Variants in KCNIP4 observed in about 807,000 individuals in gnomAD.
The protein encoded by KCNIP4 is potassium voltage-gated channel interacting protein 4.
A neutral mutation model predicts 34.0 loss-of-function variants in KCNIP4; 12 were observed. That is an observed-to-expected ratio of 0.35 (90% CI 0.23 to 0.57). The LOEUF is 0.57. Among genes scored for constraint, KCNIP4 ranks in the 20% least tolerant of loss-of-function variants. The pLI is 0.83. For missense variants in KCNIP4, 238 were observed against 311.7 expected, an observed-to-expected ratio of 0.76 and a Z score of 1.78; for synonymous variants, 124 against 102.2, an observed-to-expected ratio of 1.21 and a Z score of -1.29.
intron 1 of KCNIP4, among the ~76,000 whole-genome samples, chr4:20,995,984 T>C (rs936815430): frequency 5.3e-5 from 8 of 152,120 alleles, no homozygotes; most frequent in Non-Finnish European, 1.2e-4. Context: ...AGTAAGAAAG[T>C]GGAAGGGTGA....
intron 1 of KCNIP4, among the ~76,000 whole-genome samples, chr4:21,562,242 C>G (rs937833459): frequency 4.6e-5 from 7 of 151,622 alleles, no homozygotes; most frequent in African/African-American, 1.7e-4. Flanking sequence ...ATTGCTGAAC[C>G]CTGGGATACA....
intron 1 of KCNIP4, among the ~76,000 whole-genome samples, chr4:21,914,376 A>G (rs1174931808): frequency 1.3e-5 from 2 of 152,190 alleles, no homozygotes; most frequent in East Asian, 3.9e-4. Context: ...CCACGTTGTG[A>G]GATGCAAAAT....
At chr4:21,923,398 A>G (rs1048684267) in intron 1 of KCNIP4, among the ~76,000 whole-genome samples, 1 of 152,126 alleles carries the variant, frequency 6.6e-6, no homozygotes. Flanking sequence ...CCTGGCCAAC[A>G]GGGTAAAACC....
intron 1 of KCNIP4, among the ~76,000 whole-genome samples, chr4:21,429,695 T>G (rs1726266556): frequency 6.6e-6 from 1 of 152,214 alleles, no homozygotes; most frequent in Admixed American, 6.5e-5. Flanking sequence ...TAGTGTCCCA[T>G]TTTTGTTTTA....
chr4:21,200,870 C>T (rs1756442498), intron 1 of KCNIP4, among the ~76,000 whole-genome samples: 1 of 151,874 alleles, frequency 6.6e-6, no homozygotes, highest in African/African-American at 2.4e-5. Flanking sequence ...TCCTTGGTGA[C>T]TCCAATATTA....
chr4:21,425,754 C>G (rs1725878218), intron 1 of KCNIP4, among the ~76,000 whole-genome samples: 1 of 152,064 alleles, frequency 6.6e-6, no homozygotes, highest in Non-Finnish European at 1.5e-5. Context: ...TGCATGCTAA[C>G]ATATCTTAAA....
intron 1 of KCNIP4, among the ~76,000 whole-genome samples, chr4:21,017,364 C>G (rs1197777729): frequency 6.6e-6 from 1 of 152,124 alleles, no homozygotes; most frequent in Admixed American, 6.6e-5. Context: ...CTGACAGGCT[C>G]TAGTGTGTGT....
intron 1 of KCNIP4, among the ~76,000 whole-genome samples, chr4:21,741,920 C>A (rs1716430295): frequency 6.6e-6 from 1 of 151,986 alleles, no homozygotes; most frequent in Non-Finnish European, 1.5e-5. Context: ...GCCTGCAGTC[C>A]CAGCTACTCG....
At chr4:21,873,848 C>G (rs1030260660) in intron 1 of KCNIP4, among the ~76,000 whole-genome samples, 5 of 152,192 alleles carry the variant, frequency 3.3e-5, no homozygotes, top group Non-Finnish European at 5.9e-5. Flanking sequence ...TTCTAAACAA[C>G]AGAGGGCATT....
At chr4:21,169,665 T>C (rs374930641) in intron 1 of KCNIP4, among the ~76,000 whole-genome samples, 5,601 of 139,694 alleles carry the variant, frequency 0.04, 183 homozygotes, top group Non-Finnish European at 0.049. Context: ...TATATTTGTG[T>C]GTGTGTGTGT....
chr4:21,088,016 G>A (rs6820317), intron 1 of KCNIP4, among the ~76,000 whole-genome samples: 18 of 151,796 alleles, frequency 1.2e-4, no homozygotes, highest in Non-Finnish European at 2.4e-4. Flanking sequence ...AATGTTCATC[G>A]CCTGGACAGA....
intron 1 of KCNIP4, among the ~76,000 whole-genome samples, chr4:21,748,897 T>C (rs1165243824): frequency 2.0e-5 from 3 of 151,870 alleles, no homozygotes; most frequent in Non-Finnish European, 2.9e-5. Flanking sequence ...TTGAGAAAAA[T>C]GGTAGATGGG....
At chr4:21,372,624 A>T (rs1578141468) in intron 1 of KCNIP4, among the ~76,000 whole-genome samples, 1 of 147,162 alleles carries the variant, frequency 6.8e-6, no homozygotes, top group Non-Finnish European at 1.5e-5. Context: ...GAGAAAAATC[A>T]CTTATTTGGT....
chr4:20,955,479 T>G (rs1162532051), intron 1 of KCNIP4, among the ~76,000 whole-genome samples: 1 of 152,168 alleles, frequency 6.6e-6, no homozygotes, highest in Non-Finnish European at 1.5e-5. Flanking sequence ...CCTCATGCCC[T>G]CTGAGTCTCA....
intron 1 of KCNIP4, among the ~76,000 whole-genome samples, chr4:21,935,708 C>A (rs1729823058): frequency 6.6e-6 from 1 of 152,066 alleles, no homozygotes; most frequent in Admixed American, 6.6e-5. Flanking sequence ...TCTCTCCTGA[C>A]TTCTCATCCT....
intron 1 of KCNIP4, among the ~76,000 whole-genome samples, chr4:21,195,708 T>G (rs1374766957): frequency 6.6e-6 from 1 of 152,242 alleles, no homozygotes; most frequent in Non-Finnish European, 1.5e-5. Flanking sequence ...CTTTTTTGCC[T>G]TGAGGGTGAT....
chr4:21,231,804 C>T (rs1482698808), intron 1 of KCNIP4, among the ~76,000 whole-genome samples: 1 of 152,088 alleles, frequency 6.6e-6, no homozygotes, highest in Non-Finnish European at 1.5e-5. Flanking sequence ...CGGCAAGGAA[C>T]TTGAAATTGC....
At chr4:21,715,216 G>C (rs954207305) in intron 1 of KCNIP4, among the ~76,000 whole-genome samples, 5 of 151,294 alleles carry the variant, frequency 3.3e-5, no homozygotes, top group African/African-American at 1.2e-4. Context: ...AAGTACCTGG[G>C]ACTACACCAG....
chr4:21,737,401 C>A (rs1277163787), intron 1 of KCNIP4, among the ~76,000 whole-genome samples: 1 of 152,004 alleles, frequency 6.6e-6, no homozygotes, highest in East Asian at 1.9e-4. Flanking sequence ...ATGAAGTGGA[C>A]ATTCAATGAA....
Sources: allele counts gnomAD v4.1 joint callset (sites outside exome capture counted in the v4.1 genomes callset), GRCh38; gene constraint gnomAD v4.1.1; transcripts MANE v1.5; gene names NCBI Gene and HGNC (gene_info 2026-07-23, HGNC 2026-07-21).